MRTFB: variants seen among roughly 807,000 people sequenced by gnomAD.
MRTFB encodes the protein myocardin related transcription factor B, also known as myocardin-related transcription factor B.
A neutral mutation model predicts 104.2 loss-of-function variants in MRTFB; 29 were observed. The observed-to-expected ratio is 0.28, with a 90% confidence interval of 0.21 to 0.38. The LOEUF (loss-of-function observed/expected upper bound fraction) is 0.38. Ranked by LOEUF, MRTFB falls within the 10% of genes least tolerant of loss-of-function variation. The pLI, the probability that MRTFB is intolerant of heterozygous loss-of-function variation, is 1.00. For missense variants in MRTFB, 1,270 were observed against 1,341.6 expected (o/e 0.95, Z 0.83); for synonymous variants, 535 against 519.5 (o/e 1.03, Z -0.41).
At chr16:14,096,535 G>A (rs2035384866) in intron 2 of MRTFB, among the ~76,000 whole-genome samples, 1 of 151,306 alleles carries the variant, frequency 6.6e-6, no homozygotes, top group African/African-American at 2.5e-5. Context: ...ACTATTGCAG[G>A]GGAGAAAAGA....
intron 3 of MRTFB, among the ~76,000 whole-genome samples, chr16:14,178,120 A>G (rs2039648354): frequency 6.6e-6 from 1 of 152,202 alleles, no homozygotes; most frequent in Admixed American, 6.5e-5. Context: ...TACACTGATC[A>G]CAGTTTTGTA....
At chr16:14,168,217 A>ATGTGTGTGTGTGTGTGTGTGTGTGTGTG (rs61205256) in intron 3 of MRTFB, among the ~76,000 whole-genome samples, 2 of 148,010 alleles carry the variant, frequency 1.4e-5, no homozygotes, top group African/African-American at 5.0e-5. Flanking sequence ...TAAAGATAAA[A>ATGTGTGTGTGTGTGTGTGTGTGTGTGTG]TGTGTGTGTG....
rs2043754013 is a variant in MRTFB at position 14,261,016 on chromosome 16, C to T, written c.2872C>T (p.Pro958Ser). Residue 958 changes from proline to serine, a missense_variant, in exon 17 of 17, where the codon CCC becomes TCC. Pro to Ser is a moderately conservative substitution (Grantham distance 74). This residue lies in a region of MRTFB where 1,144 missense variants were observed against 1,131.5 expected (regional missense o/e 1.01). Coordinates refer to ENST00000571589, the MANE Select transcript of MRTFB (RefSeq NM_001308142.2). ...PVNTVVSRPP[P>S]QVQMAPPVSL... ...GAATACAGTGGTGTCCCGGCCACCA[C>T]CCCAAGTCCAAATGGCACCACCTGT... The T allele has an allele frequency of 2.5e-6, 4 of 1,614,064 alleles. No homozygotes were observed. Among genetic ancestry groups the T allele is most frequent in the Admixed American group, 3.3e-5 (2 of 60,004 alleles).
chr16:14,232,208 A>G (rs2042298093), intron 8 of MRTFB, among the ~76,000 whole-genome samples: 2 of 152,214 alleles, frequency 1.3e-5, no homozygotes, highest in African/African-American at 4.8e-5. Flanking sequence ...ATCTATATAG[A>G]GATCAGAATT....
intron 1 of MRTFB, among the ~76,000 whole-genome samples, chr16:14,074,031 C>T (rs1337389080): frequency 6.6e-6 from 1 of 151,644 alleles, no homozygotes; most frequent in Non-Finnish European, 1.5e-5. Flanking sequence ...TAACATTATA[C>T]ATTTAACTCT....
At chr16:14,201,312 T>C (rs2040693117) in intron 3 of MRTFB, among the ~76,000 whole-genome samples, 1 of 152,206 alleles carries the variant, frequency 6.6e-6, no homozygotes, top group Non-Finnish European at 1.5e-5. Flanking sequence ...GACCTTTGCA[T>C]TGTGATCCAT....
intron 3 of MRTFB, chr16:14,152,366 A>G (rs537324886): frequency 1.3e-5 from 2 of 152,116 alleles, no homozygotes; most frequent in African/African-American, 4.8e-5. Context: ...ATGTTTTACA[A>G]TGACCTTTAG....
chr16:14,106,269 T>C (rs1432383317), intron 2 of MRTFB, among the ~76,000 whole-genome samples: 3 of 151,408 alleles, frequency 2.0e-5, no homozygotes, highest in Non-Finnish European at 4.4e-5. Context: ...CTGAGGGGAG[T>C]TGGGGAGTGC....
intron 3 of MRTFB, among the ~76,000 whole-genome samples, chr16:14,168,510 A>G (rs78362389): frequency 0.024 from 3,632 of 152,300 alleles, 159 homozygotes; most frequent in African/African-American, 0.083. Flanking sequence ...ATGCTCCTGT[A>G]TAAGGCTTCT....
At chr16:14,052,637 T>C in the MRTFB span, among the ~76,000 whole-genome samples, 7 of 150,788 alleles carry the variant, frequency 4.6e-5, no homozygotes, top group Admixed American at 6.6e-5. Context: ...TATTCGGCAG[T>C]ATGAGGCAGG....
the MRTFB span, among the ~76,000 whole-genome samples, chr16:14,063,922 T>C: frequency 6.6e-6 from 1 of 152,260 alleles, no homozygotes; most frequent in African/African-American, 2.4e-5. Context: ...TTGTAAACAG[T>C]GCTGCAATGA....
the MRTFB span, among the ~76,000 whole-genome samples, chr16:14,023,637 A>ACATATG: frequency 7.9e-6 from 1 of 126,562 alleles, no homozygotes; most frequent in Non-Finnish European, 1.8e-5. Context: ...ATATACATAT[A>ACATATG]CATATACATA....
rs533345260 is a variant in MRTFB, at chr16:14,208,807, C to T, written c.155-1436C>T. ...CTTAGGGAAAAGATCTTTCTGTTAG[C>T]GCACAATTGATTGAAAGTATCACAG... On this transcript the variant is annotated intron_variant, in intron 3 of 16. Coordinates refer to ENST00000571589, the MANE Select transcript of MRTFB (RefSeq NM_001308142.2). Among the ~76,000 whole-genome samples, 8 of 152,268 alleles carry T rather than the reference C, an allele frequency of 5.3e-5. No homozygotes were observed. In the East Asian group the frequency reaches 5.8e-4, roughly 11 times the overall value.
chr16:14,099,674 T>C (rs1261916240), intron 2 of MRTFB, among the ~76,000 whole-genome samples: 3 of 150,532 alleles, frequency 2.0e-5, no homozygotes, highest in Non-Finnish European at 4.4e-5. Context: ...TCTTTTCTTT[T>C]TTTTTTTTTT....
chr16:14,084,020 A>G (rs928789907), intron 2 of MRTFB, among the ~76,000 whole-genome samples: 1 of 152,258 alleles, frequency 6.6e-6, no homozygotes, highest in African/African-American at 2.4e-5. Flanking sequence ...CTTATTGAGA[A>G]GATACCTGTG....
chr16:14,146,636 C>T (rs2038332806), intron 3 of MRTFB, among the ~76,000 whole-genome samples: 1 of 152,130 alleles, frequency 6.6e-6, no homozygotes, highest in South Asian at 2.1e-4. Context: ...TGGAACCCAG[C>T]CAAAGAAAGC....
rs148476592 is a variant in MRTFB at position 14,187,355 on chromosome 16, C to T, written c.155-22888C>T. ...TTTTTTTCTCTTCCCTCTGTCTTTT[C>T]GGAGAGGCCATTTCCTTTTTTATGT... On this transcript the variant is annotated intron_variant, in intron 3 of 16. Transcript: ENST00000571589. Among the ~76,000 whole-genome samples, 505 of 152,140 alleles carry T rather than the reference C, an allele frequency of 3.3e-3. 3 individuals carry two copies. The highest frequency in any genetic ancestry group is 0.012 in the African/African-American group (479 of 41,498).
At chr16:14,226,682 C>G (rs2042016080) in intron 8 of MRTFB, among the ~76,000 whole-genome samples, 1 of 152,054 alleles carries the variant, frequency 6.6e-6, no homozygotes, top group African/African-American at 2.4e-5. Context: ...AATCTTTCCT[C>G]AAAACGTTTT....
chr16:14,254,624 G>A (rs1481634997), intron 15 of MRTFB, among the ~76,000 whole-genome samples: 1 of 152,230 alleles, frequency 6.6e-6, no homozygotes, highest in African/African-American at 2.4e-5. Context: ...GAAGACAAAA[G>A]ATCTAAAGTG....
Sources: allele counts gnomAD v4.1 joint callset (sites outside exome capture counted in the v4.1 genomes callset), GRCh38; gene constraint gnomAD v4.1.1; regional missense constraint gnomAD v4.1.1; transcripts MANE v1.5; gene names NCBI Gene and HGNC (gene_info 2026-07-23, HGNC 2026-07-21).